Variants in PRKAR1A observed in about 807,000 individuals in gnomAD.
PRKAR1A encodes the protein cAMP-dependent protein kinase type I-alpha regulatory subunit.
In PRKAR1A, 3 loss-of-function variants were observed where a neutral mutation model predicts 52.0. The observed-to-expected ratio is 0.06, with a 90% CI of 0.03 to 0.15. The LOEUF is 0.15. PRKAR1A is among the 10% of genes least tolerant of loss of function. The pLI, the probability that PRKAR1A is intolerant of heterozygous loss-of-function variation, is 1.00. For missense variants in PRKAR1A, 240 were observed against 477.4 expected (o/e 0.50, Z 4.63); for synonymous variants, 188 against 168.4 (o/e 1.12, Z -0.90).
intron 9 of PRKAR1A, 104 bp from the exon 10 acceptor site, chr17:68,529,816 T>C (rs1460150526): frequency 7.5e-6 from 8 of 1,062,014 alleles, no homozygotes; most frequent in South Asian, 2.5e-5. Flanking sequence ...TTTTTTATCA[T>C]ATGCACACAT....
chr17:68,490,228 C>A, the PRKAR1A span, among the ~76,000 whole-genome samples: 1 of 152,212 alleles, frequency 6.6e-6, no homozygotes, highest in African/African-American at 2.4e-5. Context: ...TGGGCAGTCC[C>A]ATTTCACTGG....
chr17:68,482,808 A>G, the PRKAR1A span, among the ~76,000 whole-genome samples: 1 of 152,226 alleles, frequency 6.6e-6, no homozygotes, highest in Non-Finnish European at 1.5e-5. Context: ...CAGCATATAA[A>G]CTATTTGCTC....
chr17:68,480,962 A>C, the PRKAR1A span, among the ~76,000 whole-genome samples: 37 of 152,268 alleles, frequency 2.4e-4, no homozygotes, highest in African/African-American at 8.7e-4. Flanking sequence ...TACCTCATGC[A>C]GGTCCACAGC....
At chr17:68,453,861 C>T in the PRKAR1A span, among the ~76,000 whole-genome samples, 16 of 152,230 alleles carry the variant, frequency 1.1e-4, no homozygotes, top group East Asian at 1.2e-3. Context: ...AGAAAAATGT[C>T]CTGATACTTC....
the PRKAR1A span, among the ~76,000 whole-genome samples, chr17:68,437,016 A>ATGTGTGTGTGTGTGTGTGTGAG: frequency 6.9e-6 from 1 of 144,578 alleles, no homozygotes; most frequent in African/African-American, 2.6e-5. Flanking sequence ...ATATATATAT[A>ATGTGTGTGTGTGTGTGTGTGAG]TGTGTGTGTG....
At chr17:68,509,996 C>A (rs1232799493), upstream of PRKAR1A, among the ~76,000 whole-genome samples, 1 of 152,158 alleles carries the variant, frequency 6.6e-6, no homozygotes, top group Non-Finnish European at 1.5e-5. Flanking sequence ...TTCTTAGTGT[C>A]TTAACTGCAC....
Position 68,531,331 on chromosome 17 carries a change from T to G in PRKAR1A, c.*882T>G. The G allele has an allele frequency of 9.4e-7, 1 of 1,066,118 alleles. No homozygotes were observed. Among genetic ancestry groups the G allele is most frequent in the Non-Finnish European group, 1.1e-6 (1 of 879,594 alleles). The allele number at this position is 1,066,118 out of a possible 1,614,324, so 66.0% of individuals were successfully genotyped here. On this transcript the variant is annotated 3_prime_UTR_variant, in exon 11 of 11. Coordinates refer to ENST00000589228, the MANE Select transcript of PRKAR1A (RefSeq NM_002734.5). ...GTTAATTTAGAGCGTTTGGTTAAAG[T>G]ATGTCCTTCAGCTGACTCCAGTATA...
chr17:68,493,958 A>G, the PRKAR1A span, among the ~76,000 whole-genome samples: 1 of 152,200 alleles, frequency 6.6e-6, no homozygotes, highest in African/African-American at 2.4e-5. Flanking sequence ...ATGAAGATAA[A>G]TGGAGAATGT....
the PRKAR1A span, chr17:68,421,891 G>A: frequency 6.3e-7 from 1 of 1,597,080 alleles, no homozygotes; most frequent in Non-Finnish European, 8.6e-7. Flanking sequence ...ATTATCAACA[G>A]GTCTGTGCCC....
chr17:68,486,513 CTTTCTTTCTTTCT>C, the PRKAR1A span, among the ~76,000 whole-genome samples: 7 of 57,344 alleles, frequency 1.2e-4, no homozygotes, highest in African/African-American at 3.8e-4. Context: ...TTCCTTCTTT[CTTTCTTTCTTTCT>C]TTCTTTCTTT....
At chr17:68,455,359 C>A in the PRKAR1A span, among the ~76,000 whole-genome samples, 5 of 92,936 alleles carry the variant, frequency 5.4e-5, no homozygotes, top group Non-Finnish European at 1.1e-4. Flanking sequence ...GCAAGACTGT[C>A]TCAAAAAAAA....
the PRKAR1A span, chr17:68,425,880 G>A: frequency 1.8e-6 from 1 of 553,006 alleles, no homozygotes; most frequent in Non-Finnish European, 3.2e-6. Context: ...GGTTTAGCTC[G>A]ACACCTAAAG....
Position 68,542,855 on chromosome 17 carries a change from TGAG to T in PRKAR1A, c.974-8221_974-8219del, listed in dbSNP as rs537459979. The T allele has an allele frequency of 2.6e-3, 3,849 of 1,459,582 alleles. 7 individuals carry two copies. The highest frequency in any genetic ancestry group is 3.2e-3 in the Non-Finnish European group (3,375 of 1,040,878). 90.4% of individuals were successfully genotyped at this position (1,459,582 alleles called of 1,614,324 possible). A position where few individuals can be genotyped will look rare whatever the true frequency, so the allele number is the denominator to read the frequency against. On this transcript the variant is annotated intron_variant, in intron 11 of 11. Coordinates refer to the PRKAR1A transcript ENST00000585981. ...TTCCATCTGAGGGATGATCAGGGAG[TGAG>T]GAGGAGGGGTTTTGTCCCCCGGCCA...
At chr17:68,445,304 C>G in the PRKAR1A span, among the ~76,000 whole-genome samples, 2 of 152,192 alleles carry the variant, frequency 1.3e-5, no homozygotes, top group Non-Finnish European at 2.9e-5. Context: ...TGCCATCTAA[C>G]AGGCTGCCTT....
chr17:68,540,165 C>G (rs1228685370), intron 11 of PRKAR1A, among the ~76,000 whole-genome samples: 2 of 152,202 alleles, frequency 1.3e-5, no homozygotes, highest in Non-Finnish European at 2.9e-5. Flanking sequence ...AACAAGCAAA[C>G]CCTAAATGGA....
At chr17:68,448,290 C>T in the PRKAR1A span, 1 of 152,188 alleles carries the variant, frequency 6.6e-6, no homozygotes, top group Non-Finnish European at 1.5e-5. Context: ...AGCAAACCCC[C>T]AATACTTCCC....
At chr17:68,539,637 C>A (rs951322971) in intron 11 of PRKAR1A, among the ~76,000 whole-genome samples, 1 of 152,214 alleles carries the variant, frequency 6.6e-6, no homozygotes, top group Non-Finnish European at 1.5e-5. Context: ...TGAGGATGCA[C>A]CTTGCTCTCG....
At chr17:68,517,415 A>G (rs1272568673) in intron 2 of PRKAR1A, among the ~76,000 whole-genome samples, 2 of 152,186 alleles carry the variant, frequency 1.3e-5, no homozygotes, top group Non-Finnish European at 2.9e-5. Context: ...TTGACTCACA[A>G]TTCAGCATGG....
chr17:68,442,506 G>A, the PRKAR1A span, among the ~76,000 whole-genome samples: 5 of 152,114 alleles, frequency 3.3e-5, no homozygotes, highest in Admixed American at 1.3e-4. Context: ...GTTTGCAAGG[G>A]AGGGTGCTCA....
Sources: allele counts gnomAD v4.1 joint callset (sites outside exome capture counted in the v4.1 genomes callset), GRCh38; gene constraint gnomAD v4.1.1; transcripts MANE v1.5; gene names NCBI Gene and HGNC (gene_info 2026-07-23, HGNC 2026-07-21).